Variants in FHAD1 observed in about 807,000 individuals in gnomAD.
FHAD1 encodes forkhead associated phosphopeptide binding domain 1.
A neutral mutation model predicts 191.3 loss-of-function variants in FHAD1; 146 were observed. That is an observed-to-expected ratio of 0.76 (90% confidence interval 0.67 to 0.88). The LOEUF (loss-of-function observed/expected upper bound fraction) is 0.88. Among genes scored for constraint, FHAD1 ranks in the 40% least tolerant of loss-of-function variants. The probability of loss-of-function intolerance (pLI) is 0.00; values close to 1 mark genes in which losing one functional copy is unlikely to be tolerated. For synonymous variants in FHAD1, 616 were observed against 672.3 expected, an observed-to-expected ratio of 0.92 and a Z score of 1.29; for missense variants, 1,635 against 1,785.8, an observed-to-expected ratio of 0.92 and a Z score of 1.52.
intron 6 of FHAD1, chr1:15,305,791 T>A (rs1670292423): frequency 2.2e-6 from 1 of 447,330 alleles, no homozygotes; most frequent in Non-Finnish European, 4.5e-6. Flanking sequence ...CCCACCATGA[T>A]TCTGAGGCCT....
intron 15 of FHAD1, among the ~76,000 whole-genome samples, chr1:15,341,523 G>A (rs1455743768): frequency 1.3e-5 from 2 of 152,176 alleles, no homozygotes; most frequent in African/African-American, 2.4e-5. Context: ...TTTTCTAAAT[G>A]AGGAAGCATC....
chr1:15,296,585 CTG>C, intron 4 of FHAD1, 97 bp from the exon 5 acceptor site: 1 of 1,100,644 alleles, frequency 9.1e-7, no homozygotes, highest in East Asian at 2.6e-5. Flanking sequence ...ATATCAATCT[CTG>C]GGGGGAAACA....
chr1:15,276,520 G>A lies in FHAD1; in HGVS notation c.300+3991G>A, dbSNP rs1349301725. ...TTTTTTGCCAAAGTATAGCCTAGGG[G>A]CCGGGCGTGGTGACTCATGCCTGTA... On this transcript the variant is annotated intron_variant, in intron 3 of 33. Transcript: ENST00000688493. This position sits in a 1 kb window ranked among gnomAD's most constrained non-coding sequence, Gnocchi z 4.7. 6.6e-6 allele frequency among the ~76,000 whole-genome samples: 1 copy of A among 152,168 alleles called. No homozygotes were observed. Among genetic ancestry groups the A allele is most frequent in the Admixed American group, 6.5e-5 (1 of 15,280 alleles).
At chr1:15,380,346 C>T (rs959638659) in intron 28 of FHAD1, among the ~76,000 whole-genome samples, 8 of 152,148 alleles carry the variant, frequency 5.3e-5, no homozygotes, top group Non-Finnish European at 8.8e-5. Context: ...TAGCACTCCC[C>T]GCCTGCAGTT....
chr1:15,364,025 A>G (rs1052677545), intron 23 of FHAD1: 3 of 319,062 alleles, frequency 9.4e-6, no homozygotes, highest in Non-Finnish European at 1.8e-5. Context: ...AAATCTAGAA[A>G]CGGTGGTGCC....
intron 28 of FHAD1, among the ~76,000 whole-genome samples, chr1:15,379,150 T>A (rs1378237722): frequency 1.3e-5 from 2 of 152,156 alleles, no homozygotes; most frequent in Admixed American, 1.3e-4. Context: ...GCGTTCAGCA[T>A]ATGGAGGATC....
At chr1:15,310,752 G>A (rs892818057) in intron 7 of FHAD1, among the ~76,000 whole-genome samples, 1 of 152,140 alleles carries the variant, frequency 6.6e-6, no homozygotes, top group African/African-American at 2.4e-5. Flanking sequence ...GTGACAAACA[G>A]TCCCCCAAGT....
chr1:15,389,138 C>G (rs1429623626), intron 32 of FHAD1, among the ~76,000 whole-genome samples: 3 of 152,052 alleles, frequency 2.0e-5, no homozygotes, highest in African/African-American at 7.3e-5. Context: ...TTTTACATAC[C>G]AAGTTCCTCA....
chr1:15,310,638 G>A (rs944203044), intron 7 of FHAD1, among the ~76,000 whole-genome samples: 6 of 152,146 alleles, frequency 3.9e-5, no homozygotes, highest in African/African-American at 1.4e-4. Context: ...GGAATTTCAG[G>A]CCCCACTCCT....
Position 15,289,595 on chromosome 1 carries a change from C to A in FHAD1, c.497C>A (p.Pro166His), listed in dbSNP as rs945291224. Residue 166 changes from proline (P) to histidine (H), a missense_variant, in exon 4 of 34, where the codon CCT becomes CAT. Coordinates refer to ENST00000688493, the MANE Select transcript of FHAD1 (RefSeq NM_001391957.1). This position sits in a 1 kb window ranked among gnomAD's most constrained non-coding sequence, Gnocchi z 4.2. ...TVVLPASHRRPVSANKEMFSF... is the reference protein window; with the variant it reads ...TVVLPASHRRHVSANKEMFSF... ...GTCCTGCCGGCCTCCCACAGGCGGC[C>A]TGTGAGCGCCAACAAGGAGATGTTC... 5 of 1,551,640 alleles carry A rather than the reference C, an allele frequency of 3.2e-6. No homozygotes were observed. The highest frequency in any genetic ancestry group is 4.4e-6 in the Non-Finnish European group (5 of 1,147,006).
chr1:15,318,067 G>A lies in FHAD1; in HGVS notation c.1365+139G>A. ...AAACTGAGGCTCACACAGGGACAGG[G>A]ACCAGGTTCACTGCATAAAGTAGTT... On this transcript the variant is annotated intron_variant, in intron 10 of 33. Transcript: ENST00000688493. This position sits in a 1 kb window ranked among gnomAD's most constrained non-coding sequence, Gnocchi z 4.1. 1 of 602,174 alleles carries A rather than the reference G, an allele frequency of 1.7e-6. No individual in the cohort carries two copies. Among genetic ancestry groups the A allele is most frequent in the East Asian group, 3.0e-5 (1 of 33,760 alleles). The allele number at this position is 602,174 out of a possible 1,614,324, so 37.3% of individuals were successfully genotyped here.
chr1:15,330,155 C>G (rs1371648780), intron 14 of FHAD1: 1 of 152,932 alleles, frequency 6.5e-6, no homozygotes, highest in Non-Finnish European at 1.5e-5. Context: ...GTTACTGATT[C>G]CATTGTGTAG....
chr1:15,305,152 C>T (rs1558057328), intron 6 of FHAD1, among the ~76,000 whole-genome samples: 1 of 152,176 alleles, frequency 6.6e-6, no homozygotes, highest in Non-Finnish European at 1.5e-5. Context: ...GAAGCTAAAA[C>T]GCACCGTAGA....
In FHAD1 at chr1:15,308,415, T is replaced by G. The variant is rs1671207363; in HGVS notation, c.916-198T>G. On this transcript the variant is annotated intron_variant, in intron 6 of 33. Transcript: ENST00000688493. The stretch of plus-strand genomic sequence containing the variant: ...GGGCACAAAGATAAGGTTCATGTTT[T>G]GATGACATAGGAAGTGGTGGTCCTT... 1.3e-5 allele frequency among the ~76,000 whole-genome samples: 2 copies of G among 152,206 alleles called. 1 individual carries two copies. The highest frequency in any genetic ancestry group is 1.3e-4 in the Admixed American group (2 of 15,286).
intron 10 of FHAD1, among the ~76,000 whole-genome samples, chr1:15,319,779 A>G (rs549671497): frequency 6.6e-6 from 1 of 152,358 alleles, no homozygotes; most frequent in South Asian, 2.1e-4. Context: ...ATCAAATCAT[A>G]ATTGTATAAT....
Position 15,362,767 on chromosome 1 carries a change from G to A in FHAD1, c.3047+41G>A, listed in dbSNP as rs541969925. 3.0e-5 allele frequency: 45 copies of A among 1,484,096 alleles called. 1 individual carries two copies. Among genetic ancestry groups the A allele is most frequent in the Non-Finnish European group, 3.8e-5 (41 of 1,086,460 alleles). The allele number at this position is 1,484,096 out of a possible 1,614,324, so 91.9% of individuals were successfully genotyped here. On this transcript the variant is annotated intron_variant, in intron 23 of 33. Coordinates refer to ENST00000688493, the MANE Select transcript of FHAD1 (RefSeq NM_001391957.1). ...TGTGTGAGCGCCAGGCATTCTCACC[G>A]GCACCACCTGGGTGGGGGCAAACAG...
intron 23 of FHAD1, chr1:15,363,656 G>C (rs552704859): frequency 2.3e-6 from 1 of 433,588 alleles, no homozygotes; most frequent in Non-Finnish European, 4.6e-6. Flanking sequence ...TTGGTGGGGC[G>C]GGGCCCTGTA....
At chr1:15,241,109 T>C (rs1281382866) in intron 1 of FHAD1, among the ~76,000 whole-genome samples, 1 of 152,192 alleles carries the variant, frequency 6.6e-6, no homozygotes, top group Non-Finnish European at 1.5e-5. Context: ...GCCCAATTCC[T>C]GACCCACAGA....
intron 33 of FHAD1, among the ~76,000 whole-genome samples, chr1:15,393,572 GA>G (rs1289905514): frequency 6.6e-6 from 1 of 151,430 alleles, no homozygotes; most frequent in Non-Finnish European, 1.5e-5. Context: ...AAGACATAAA[GA>G]TCCCTGCCTG....
Sources: gnomAD v4.1 joint callset for allele counts (sites outside exome capture counted in the v4.1 genomes callset) on GRCh38, gnomAD v4.1.1 for gene constraint, Gnocchi (gnomAD v3.1) non-coding constraint, MANE v1.5 for transcripts, NCBI Gene and HGNC (gene_info 2026-07-23, HGNC 2026-07-21) for gene names.